Variants in RANBP17 observed in about 807,000 individuals in gnomAD.
RANBP17 encodes ran-binding protein 17.
A neutral mutation model predicts 141.2 loss-of-function variants in RANBP17; 158 were observed. That is an observed-to-expected ratio of 1.12 (90% CI 0.98 to 1.28). The LOEUF (loss-of-function observed/expected upper bound fraction) is 1.28. Ranked by LOEUF, RANBP17 falls within the 50% of genes most tolerant of loss-of-function variation. RANBP17 has a pLI of 0.00. For missense variants in RANBP17, 1,438 were observed against 1,290.7 expected (o/e 1.11, Z -1.75); for synonymous variants, 430 against 450.0 (o/e 0.96, Z 0.56).
At chr5:170,952,122 A>C (rs192878416) in intron 12 of RANBP17, among the ~76,000 whole-genome samples, 4 of 152,190 alleles carry the variant, frequency 2.6e-5, no homozygotes, top group Admixed American at 6.5e-5. Context: ...TAGAGCCTAC[A>C]GAGAAAGCAG....
chr5:171,088,068 T>A (rs1785834318), intron 14 of RANBP17, among the ~76,000 whole-genome samples: 2 of 152,016 alleles, frequency 1.3e-5, no homozygotes, highest in South Asian at 4.2e-4. Context: ...CTCGATGGTC[T>A]TGACATTTTG....
intron 16 of RANBP17, among the ~76,000 whole-genome samples, chr5:171,174,790 G>GTGTGTA (rs764554401): frequency 1.3e-5 from 2 of 149,954 alleles, no homozygotes; most frequent in African/African-American, 4.9e-5. Context: ...GTGTGTGTGT[G>GTGTGTA]TGTATTTTGA....
intron 14 of RANBP17, among the ~76,000 whole-genome samples, chr5:171,041,128 G>A (rs947413158): frequency 1.3e-5 from 2 of 152,096 alleles, no homozygotes; most frequent in South Asian, 4.1e-4. Flanking sequence ...GCCCTCCATA[G>A]GGCTGCTTGA....
intron 14 of RANBP17, among the ~76,000 whole-genome samples, chr5:171,088,939 G>A (rs929759090): frequency 9.5e-4 from 144 of 151,584 alleles, no homozygotes; most frequent in Non-Finnish European, 1.6e-3. Context: ...TAATTTGATC[G>A]TCTGAAGCCT....
At chr5:171,140,481 C>T (rs977374986) in intron 14 of RANBP17, among the ~76,000 whole-genome samples, 11 of 152,182 alleles carry the variant, frequency 7.2e-5, no homozygotes, top group Non-Finnish European at 1.6e-4. Context: ...CTAGATTAGC[C>T]ACCTCTTCTG....
At chr5:170,889,775 T>C (rs777517980) in intron 3 of RANBP17, among the ~76,000 whole-genome samples, 5 of 152,206 alleles carry the variant, frequency 3.3e-5, no homozygotes, top group African/African-American at 4.8e-5. Context: ...GTGGTTGTTG[T>C]TCTCCCATGT....
At chr5:170,870,202 T>C (rs778313570) in intron 1 of RANBP17, among the ~76,000 whole-genome samples, 1 of 152,230 alleles carries the variant, frequency 6.6e-6, no homozygotes, top group Non-Finnish European at 1.5e-5. Flanking sequence ...TTTTCATATA[T>C]AAATACATAT....
At chr5:170,951,294 C>G (rs1375626957) in intron 12 of RANBP17, among the ~76,000 whole-genome samples, 1 of 152,062 alleles carries the variant, frequency 6.6e-6, no homozygotes, top group Non-Finnish European at 1.5e-5. Context: ...CTGACATGAT[C>G]ATTAAACATT....
At chr5:171,191,127 G>A (rs2127940377) in intron 18 of RANBP17, among the ~76,000 whole-genome samples, 1 of 152,280 alleles carries the variant, frequency 6.6e-6, no homozygotes, top group South Asian at 2.1e-4. Flanking sequence ...TGGCTTATAA[G>A]AGGTAATTGG....
At chr5:170,920,201 T>C (rs1772319200) in intron 11 of RANBP17, among the ~76,000 whole-genome samples, 1 of 152,192 alleles carries the variant, frequency 6.6e-6, no homozygotes, top group South Asian at 2.1e-4. Flanking sequence ...GGGATGCATG[T>C]TAAATATAGT....
intron 14 of RANBP17, among the ~76,000 whole-genome samples, chr5:171,025,735 ATTG>A (rs1163877075): frequency 6.6e-6 from 1 of 151,402 alleles, no homozygotes; most frequent in East Asian, 1.9e-4. Flanking sequence ...TGCCCAAGTA[ATTG>A]TTGTTGTTGT....
chr5:171,248,450 G>A (rs1051471614), intron 24 of RANBP17, among the ~76,000 whole-genome samples: 9 of 152,144 alleles, frequency 5.9e-5, no homozygotes, highest in African/African-American at 2.2e-4. Context: ...GCCAAGATTG[G>A]CCAGAAAGCC....
chr5:171,248,199 T>C (rs926900040), intron 24 of RANBP17, among the ~76,000 whole-genome samples: 1 of 151,952 alleles, frequency 6.6e-6, no homozygotes, highest in East Asian at 1.9e-4. Context: ...ACCTCGTCTC[T>C]ACTAAAAATA....
At chr5:170,918,982 A>G (rs1862237) in intron 10 of RANBP17, 123 bp downstream of exon 10, 349,930 of 525,154 alleles carry the variant, frequency 0.67, 119,731 homozygotes, top group South Asian at 0.9. Flanking sequence ...AATGTTCATT[A>G]CAGGGTTTTA....
In RANBP17 at chr5:170,914,255, T is replaced by A; in HGVS notation, c.834+15T>A. 4 of 1,499,598 alleles carry A rather than the reference T, an allele frequency of 2.7e-6. No individual in the cohort carries two copies. The highest frequency in any genetic ancestry group is 3.7e-6 in the Non-Finnish European group (4 of 1,077,718). 92.9% of individuals were successfully genotyped at this position (1,499,598 alleles called of 1,614,324 possible). A position where few individuals can be genotyped will look rare whatever the true frequency, so the allele number is the denominator to read the frequency against. On this transcript the variant is annotated intron_variant, in intron 8 of 27. Coordinates refer to ENST00000523189, the MANE Select transcript of RANBP17 (RefSeq NM_022897.5). Reference sequence around the variant, plus strand: ...TATCTCAGTTAGTAAGTAAAAGTCATTCGTTATTTCGTTAAAAAATACCTG... The same window carrying A: ...TATCTCAGTTAGTAAGTAAAAGTCAATCGTTATTTCGTTAAAAAATACCTG...
chr5:170,979,748 A>T (rs13154876), intron 14 of RANBP17, among the ~76,000 whole-genome samples: 93,210 of 152,126 alleles, frequency 0.61, 29,911 homozygotes, highest in South Asian at 0.88. Context: ...TCCAGTAAAC[A>T]TCTTTCTTTT....
chr5:170,910,854 C>A (rs1023984692), intron 6 of RANBP17, 115 bp from the exon 7 acceptor site: 3 of 1,049,566 alleles, frequency 2.9e-6, no homozygotes, highest in Admixed American at 2.4e-5. Context: ...AACAGTATAA[C>A]TTTGTAAACT....
At chr5:170,942,802 G>A (rs913018347) in intron 12 of RANBP17, among the ~76,000 whole-genome samples, 1 of 152,154 alleles carries the variant, frequency 6.6e-6, no homozygotes, top group African/African-American at 2.4e-5. Flanking sequence ...AACAGATTCA[G>A]TTGGAAAAGA....
At chr5:171,019,098 G>T (rs182463851) in intron 14 of RANBP17, among the ~76,000 whole-genome samples, 20 of 152,244 alleles carry the variant, frequency 1.3e-4, no homozygotes, top group Admixed American at 2.0e-4. Flanking sequence ...TGTATCCGAG[G>T]GATGAAGCTG....
Sources: gnomAD v4.1 joint callset for allele counts (sites outside exome capture counted in the v4.1 genomes callset) on GRCh38, gnomAD v4.1.1 for gene constraint, MANE v1.5 for transcripts, NCBI Gene and HGNC (gene_info 2026-07-23, HGNC 2026-07-21) for gene names.